DNHD1: variants seen among roughly 807,000 people sequenced by gnomAD.
DNHD1 encodes the protein dynein heavy chain domain 1, also known as dynein heavy chain domain-containing protein 1.
DNHD1 carries 383 observed loss-of-function variants against 458.1 expected under a neutral mutation model. The observed-to-expected ratio is 0.84, with a 90% CI of 0.77 to 0.91. The LOEUF is 0.91. Ranked by LOEUF, DNHD1 falls within the 40% of genes least tolerant of loss-of-function variation. DNHD1 has a pLI of 0.00. For synonymous variants in DNHD1, 2,203 were observed against 2,376.9 expected, an observed-to-expected ratio of 0.93 and a Z score of 2.13; for missense variants, 5,336 against 5,866.1, an observed-to-expected ratio of 0.91 and a Z score of 2.95.
chr11:6,541,416 G>C (rs146289221), intron 18 of DNHD1, among the ~76,000 whole-genome samples: 1 of 152,144 alleles, frequency 6.6e-6, no homozygotes, highest in African/African-American at 2.4e-5. Context: ...CTTATTCTTA[G>C]TGCGCACACA....
intron 24 of DNHD1, among the ~76,000 whole-genome samples, chr11:6,551,811 T>C (rs939264994): frequency 1.3e-5 from 2 of 152,142 alleles, no homozygotes; most frequent in Non-Finnish European, 2.9e-5. Flanking sequence ...CATGGTGGCA[T>C]GTACCTGTAA....
At chr11:6,500,975 T>A (rs1852121436) in intron 3 of DNHD1, among the ~76,000 whole-genome samples, 1 of 146,728 alleles carries the variant, frequency 6.8e-6, no homozygotes, top group African/African-American at 2.5e-5. Context: ...AGAGAGGGAG[T>A]GTAGTTAGGG....
At chr11:6,561,063 A>G (rs1853576967) in intron 28 of DNHD1, among the ~76,000 whole-genome samples, 1 of 152,290 alleles carries the variant, frequency 6.6e-6, no homozygotes, top group East Asian at 1.9e-4. Context: ...TAAGGTTGTG[A>G]TGAGGATTAA....
rs944096011 is a variant in DNHD1, at chr11:6,564,601, C to T, written c.10553C>T (p.Ser3518Leu). 7.2e-5 allele frequency: 112 copies of T among 1,551,606 alleles called. No individual in the cohort carries two copies. Among genetic ancestry groups the T allele is most frequent in the Non-Finnish European group, 9.0e-5 (103 of 1,147,014 alleles). ...ATTCTGTCCTTGCTGAGCTCTGAAT[C>T]GGAGCAGTACCAGTGGGATGGAAAC... is the stretch of plus-strand genomic sequence containing the variant. ...FSILSLLSSE[S>L]EQYQWDGNLK... Residue 3518 changes from serine to leucine, a missense_variant, in exon 32 of 43, where the codon TCG becomes TTG. This residue lies in a region of DNHD1 where 3,932 missense variants were observed against 4,365.6 expected (regional missense o/e 0.90). Transcript: ENST00000254579.
In DNHD1 at chr11:6,498,119, T is replaced by G. The variant is rs1852064731; in HGVS notation, c.-97T>G. 6.5e-7 allele frequency: 1 copy of G among 1,528,238 alleles called. No individual in the cohort carries two copies. Among genetic ancestry groups the G allele is most frequent in the East Asian group, 2.3e-5 (1 of 44,312 alleles). The allele number at this position is 1,528,238 out of a possible 1,614,324, so 94.7% of individuals were successfully genotyped here. ...CTGGCCCCTCTGCTGGGCTGGCCCA[T>G]GCAGGTGAGGCCCCGCATCTGGCAT... On this transcript the variant is annotated 5_prime_UTR_variant, in exon 3 of 43. The change abolishes an upstream ATG in the 5' untranslated region. Transcript: ENST00000254579.
chr11:6,498,256 A>G lies in DNHD1; in HGVS notation c.41A>G (p.Glu14Gly). 1 of 1,614,140 alleles carries G rather than the reference A, an allele frequency of 6.2e-7. No individual in the cohort carries two copies. The highest frequency in any genetic ancestry group is 8.5e-7 in the Non-Finnish European group (1 of 1,180,000). ...EERRVGLSSD[E>G]TSSDSLKSWH... ...AGGAGGGTAGGTTTGTCTTCTGATG[A>G]GACATCATCTGATTCCCTTAAGTCT... The change falls in exon 3 of 43, where the codon GAG becomes GGG. Residue 14 changes from glutamate (E) to glycine (G), a missense_variant. Transcript: ENST00000254579.
chr11:6,537,486 A>AAT (rs1852978766), intron 14 of DNHD1, among the ~76,000 whole-genome samples: 1 of 152,192 alleles, frequency 6.6e-6, no homozygotes, highest in African/African-American at 2.4e-5. Flanking sequence ...AGAGAAAGAC[A>AAT]ATAAACAATG....
chr11:6,568,241 G>C lies in DNHD1; in HGVS notation c.12537G>C (p.Lys4179Asn). The C allele has an allele frequency of 1.3e-6, 2 of 1,548,042 alleles. No individual in the cohort carries two copies. Among genetic ancestry groups the C allele is most frequent in the Non-Finnish European group, 1.7e-6 (2 of 1,144,104 alleles). Residue 4179 changes from lysine to asparagine, a missense_variant and splice_region_variant, in exon 37 of 43, where the codon AAG (lysine) becomes AAC (asparagine). Lys to Asn is a moderately conservative substitution (Grantham distance 94). Around this residue, in one of 4 missense-constraint regions of DNHD1, gnomAD observed 695 missense variants for 804.2 expected, o/e 0.86. Transcript: ENST00000254579. ...TGCTGGAACTGTTAGGCAGAGCCAA[G>C]GGTGAGTTTATTGCCTAGATTGGCT... is the stretch of plus-strand genomic sequence containing the variant. ...QLLLELLGRAKVVADLESEQL... is the reference protein window; with the variant it reads ...QLLLELLGRANVVADLESEQL...
chr11:6,528,680 C>T lies in DNHD1; in HGVS notation c.1996C>T (p.Arg666Trp), dbSNP rs1291494577. The T allele has an allele frequency of 5.8e-6, 9 of 1,551,516 alleles. No homozygotes were observed. Among genetic ancestry groups the T allele is most frequent in the African/African-American group, 1.4e-5 (1 of 73,014 alleles). ...IAGILEVRGC[R>W]LRGQYFPHNY... Reference sequence around the variant, plus strand: ...TGGTATCTTGGAGGTCCGTGGATGTCGGCTGCGGGGCCAATACTTCCCCCA... The same window carrying T: ...TGGTATCTTGGAGGTCCGTGGATGTTGGCTGCGGGGCCAATACTTCCCCCA... Residue 666 changes from arginine to tryptophan, a missense_variant, in exon 11 of 43, where the codon CGG becomes TGG. Coordinates refer to ENST00000254579, the MANE Select transcript of DNHD1 (RefSeq NM_144666.3).
At position 6,570,356 on chromosome 11, in the gene DNHD1, C is replaced by G. The variant is rs1163845744; in HGVS notation, c.13065C>G (p.His4355Gln). The change falls in exon 41 of 43, where the codon CAC becomes CAG. Residue 4355 changes from histidine (H) to glutamine (Q), a missense_variant. His to Gln is a conservative substitution (Grantham distance 24, BLOSUM62 0). Around this residue, in one of 4 missense-constraint regions of DNHD1, gnomAD observed 698 missense variants for 664.9 expected, o/e 1.05. Transcript: ENST00000254579. ...SPSSGSWVQP[H>Q]TPQSLLATLM... ...GTAGTGGGAGCTGGGTCCAGCCACA[C>G]ACACCTCAGTCTTTGCTGGCCACGC... 3.1e-6 allele frequency: 5 copies of G among 1,612,050 alleles called. No individual in the cohort carries two copies. Among genetic ancestry groups the G allele is most frequent in the Non-Finnish European group, 4.2e-6 (5 of 1,179,152 alleles).
At chr11:6,524,328 C>T (rs1227311777) in intron 10 of DNHD1, among the ~76,000 whole-genome samples, 1 of 152,140 alleles carries the variant, frequency 6.6e-6, no homozygotes, top group Non-Finnish European at 1.5e-5. Context: ...AAGAGAACCC[C>T]TGTCTCTCAA....
At chr11:6,535,582 A>T (rs1453204271) in intron 14 of DNHD1, among the ~76,000 whole-genome samples, 1 of 152,260 alleles carries the variant, frequency 6.6e-6, no homozygotes, top group Non-Finnish European at 1.5e-5. Context: ...AGGGATACCA[A>T]CTGGCTAAAT....
Position 6,571,687 on chromosome 11 carries a change from G to A in DNHD1, c.13963G>A (p.Gly4655Arg), listed in dbSNP as rs766316793. The change falls in exon 43 of 43, where the codon GGG (glycine) becomes AGG (arginine). Residue 4655 changes from glycine (G) to arginine (R), a missense_variant. By Grantham distance (125) the Gly-to-Arg change is moderately radical. Coordinates refer to ENST00000254579, the MANE Select transcript of DNHD1 (RefSeq NM_144666.3). The surrounding 1 kb of genome is among the most constrained non-coding windows in gnomAD (Gnocchi z 5.0). ...TVPERGLLLI[G>R]LQVLHAEWDP... ...TCCAGAGAGAGGGCTGCTGCTGATC[G>A]GGCTACAGGTCCTACATGCGGAGTG... is the stretch of plus-strand genomic sequence containing the variant. 1 of 1,610,394 alleles carries A rather than the reference G, an allele frequency of 6.2e-7. No homozygotes were observed. Among genetic ancestry groups the A allele is most frequent in the Non-Finnish European group, 8.5e-7 (1 of 1,178,240 alleles).
At chr11:6,570,478 C>A in intron 41 of DNHD1, 82 bp downstream of exon 41, 1 of 1,503,144 alleles carries the variant, frequency 6.7e-7, no homozygotes, top group Non-Finnish European at 8.9e-7. Context: ...GGACAGCAGT[C>A]TCAATAAAGG....
At chr11:6,569,152 G>A (rs554358186) in intron 39 of DNHD1, among the ~76,000 whole-genome samples, 4 of 152,180 alleles carry the variant, frequency 2.6e-5, no homozygotes, top group Non-Finnish European at 5.9e-5. Flanking sequence ...GGGTGTTGAG[G>A]AGGGAGAAGT....
intron 10 of DNHD1, among the ~76,000 whole-genome samples, chr11:6,521,436 C>G (rs899034938): frequency 2.0e-5 from 3 of 152,118 alleles, no homozygotes; most frequent in African/African-American, 7.2e-5. Flanking sequence ...AAAATATTCA[C>G]CTACCATGTC....
chr11:6,533,202 A>G lies in DNHD1; in HGVS notation c.2505+18A>G. The G allele has an allele frequency of 1.3e-6, 2 of 1,550,230 alleles. No homozygotes were observed. The highest frequency in any genetic ancestry group is 1.7e-6 in the Non-Finnish European group (2 of 1,146,410). On this transcript the variant is annotated intron_variant, in intron 13 of 42. Coordinates refer to ENST00000254579, the MANE Select transcript of DNHD1 (RefSeq NM_144666.3). ...CCCAGAAGGTGGGCTCTCCCCATCC[A>G]TCCTTCCCAGTTTATTCAGGGCCCA... is the stretch of plus-strand genomic sequence containing the variant.
Position 6,557,876 on chromosome 11 carries a change from C to A in DNHD1, c.8581C>A (p.His2861Asn), listed in dbSNP as rs11040920. The change falls in exon 25 of 43, where the codon CAC (histidine) becomes AAC (asparagine). Residue 2861 changes from histidine (H) to asparagine (N), a missense_variant. By Grantham distance (68) the His-to-Asn change is moderately conservative. Transcript: ENST00000254579. The part of the protein sequence containing the change: ...TSAAQLKLSP[H>N]LARCHSMAQH... ...AGCTGCTCAACTGAAGTTGAGCCCCCACCTGGCCCGGTGTCATTCCATGGC... is the reference window on the plus strand; with the variant it reads ...AGCTGCTCAACTGAAGTTGAGCCCCAACCTGGCCCGGTGTCATTCCATGGC... 548,377 of 1,550,678 alleles carry A rather than the reference C, an allele frequency of 0.35. 101,103 individuals are homozygous for A. The highest frequency in any genetic ancestry group is 0.38 in the Non-Finnish European group (439,761 of 1,146,836).
At chr11:6,512,793 A>G (rs1852372671) in intron 7 of DNHD1, among the ~76,000 whole-genome samples, 1 of 152,016 alleles carries the variant, frequency 6.6e-6, no homozygotes, top group Non-Finnish European at 1.5e-5. Flanking sequence ...AAGGGTAGAG[A>G]TCTTTGTTTT....
Sources: allele counts gnomAD v4.1 joint callset (sites outside exome capture counted in the v4.1 genomes callset), GRCh38; gene constraint gnomAD v4.1.1; regional missense constraint gnomAD v4.1.1; non-coding constraint Gnocchi (gnomAD v3.1); transcripts MANE v1.5; gene names NCBI Gene and HGNC (gene_info 2026-07-23, HGNC 2026-07-21).